Variants in PCDHA8 observed in about 807,000 individuals in gnomAD.
PCDHA8 encodes protocadherin alpha 8.
PCDHA8 carries 53 observed loss-of-function variants against 61.8 expected under a neutral mutation model. The observed-to-expected ratio is 0.86, with a 90% CI of 0.69 to 1.08. The LOEUF is 1.08. Among genes scored for constraint, PCDHA8 ranks in the 50% least tolerant of loss-of-function variants. The pLI, the probability that PCDHA8 is intolerant of heterozygous loss-of-function variation, is 0.00. For synonymous variants in PCDHA8, 618 were observed against 556.6 expected (o/e 1.11, Z -1.55); for missense variants, 1,293 against 1,245.0 (o/e 1.04, Z -0.58).
intron 1 of PCDHA8, chr5:140,967,158 T>G (rs1586192830): frequency 6.2e-7 from 1 of 1,610,448 alleles, no homozygotes. Context: ...CCCGTGGCGG[T>G]GAGCGCCGTT....
chr5:140,857,610 C>T (rs1436552212), intron 1 of PCDHA8: 2 of 1,596,344 alleles, frequency 1.3e-6, no homozygotes, highest in South Asian at 2.2e-5. Flanking sequence ...GCGCTGCAGC[C>T]GCTGGACCAC....
intron 1 of PCDHA8, chr5:140,858,528 T>A (rs2045469480): frequency 1.4e-6 from 2 of 1,404,940 alleles, no homozygotes; most frequent in South Asian, 2.5e-5. Context: ...AATATTTCAT[T>A]TTTGTCTACA....
Position 140,843,361 on chromosome 5 carries a change from G to A in PCDHA8, c.2040G>A (p.Ser680=), listed in dbSNP as rs2150358294. The change falls in exon 1 of 4, where the codon TCG becomes TCA. Residue 680 remains serine, a synonymous_variant. Transcript: ENST00000531613. ...GCGGCCAGGCTCCAAAAGCGTCATC[G>A]AGGCAGTCGGCTGGCGTTTTGGGTC... ...VESGQAPKAS[S]RQSAGVLGPE... is the part of the protein sequence containing the mutation. 3.8e-6 allele frequency: 6 copies of A among 1,596,046 alleles called. No individual in the cohort carries two copies. In the South Asian group the frequency reaches 5.5e-5, roughly 15 times the overall value.
chr5:140,852,052 A>G, intron 1 of PCDHA8: 1 of 915,096 alleles, frequency 1.1e-6, no homozygotes, highest in Non-Finnish European at 1.3e-6. Flanking sequence ...TATGTGGTTT[A>G]TATTTTTCTT....
At chr5:140,880,620 A>C (rs2058397773) in intron 1 of PCDHA8, among the ~76,000 whole-genome samples, 1 of 152,170 alleles carries the variant, frequency 6.6e-6, no homozygotes, top group Non-Finnish European at 1.5e-5. Context: ...AAGAGGGAGG[A>C]GTTAATTATC....
At chr5:140,858,305 C>A in intron 1 of PCDHA8, 1 of 1,597,172 alleles carries the variant, frequency 6.3e-7, no homozygotes. Context: ...GCAGCAGAGG[C>A]GGCAGAGGGT....
chr5:140,848,317 A>T, intron 1 of PCDHA8: 1 of 749,894 alleles, frequency 1.3e-6, no homozygotes. Context: ...CTTTGCCGCG[A>T]TGTTCTCTCT....
intron 1 of PCDHA8, chr5:140,928,082 T>C: frequency 1.2e-6 from 2 of 1,614,212 alleles, no homozygotes. Context: ...TACTACAGCC[T>C]GCTGATTGAT....
At chr5:140,873,835 A>G (rs917455135) in intron 1 of PCDHA8, among the ~76,000 whole-genome samples, 3 of 151,964 alleles carry the variant, frequency 2.0e-5, no homozygotes, top group Admixed American at 6.6e-5. Flanking sequence ...TAATTTTTGT[A>G]TTTTTAGTAG....
chr5:140,927,086 A>G (rs2083826085), intron 1 of PCDHA8: 5 of 1,612,296 alleles, frequency 3.1e-6, no homozygotes, highest in Non-Finnish European at 3.4e-6. Context: ...CGCGAGCTCT[A>G]CTTCGGGGTG....
rs781960813 is a variant in PCDHA8 at position 140,883,266 on chromosome 5, A to C, written c.2394+39551A>C. On this transcript the variant is annotated intron_variant, in intron 1 of 3. Transcript: ENST00000531613. ...AAAGGAAATATTCCAATGGCGGGTCATTGTACCCTTTTGGTGGAAGTACTA... is the reference window on the plus strand; with the variant it reads ...AAAGGAAATATTCCAATGGCGGGTCCTTGTACCCTTTTGGTGGAAGTACTA... 2.7e-5 allele frequency: 43 copies of C among 1,614,082 alleles called. No individual in the cohort carries two copies. In the African/African-American group the frequency reaches 4.7e-4, roughly 18 times the overall value.
intron 1 of PCDHA8, among the ~76,000 whole-genome samples, chr5:140,924,896 AAAAAAAAAATAAAAT>A (rs1195249436): frequency 5.8e-5 from 4 of 69,076 alleles, no homozygotes; most frequent in Non-Finnish European, 9.1e-5. Flanking sequence ...ACCTGTCTCA[AAAAAAAAAATAAAAT>A]AAAATAAAAT....
At chr5:140,986,461 C>A (rs1554248079) in intron 3 of PCDHA8, among the ~76,000 whole-genome samples, 1 of 152,154 alleles carries the variant, frequency 6.6e-6, no homozygotes. Flanking sequence ...TTAATGAATG[C>A]CCTCTTGTGA....
intron 1 of PCDHA8, among the ~76,000 whole-genome samples, chr5:140,894,449 A>G (rs1227566097): frequency 6.6e-6 from 1 of 151,950 alleles, no homozygotes; most frequent in Non-Finnish European, 1.5e-5. Flanking sequence ...TCTTTTTTAA[A>G]AAATATTTTA....
chr5:140,870,229 C>G, intron 1 of PCDHA8: 3 of 1,614,164 alleles, frequency 1.9e-6, no homozygotes, highest in Non-Finnish European at 2.5e-6. Flanking sequence ...CGTGTCTGAC[C>G]GTGACTCAGG....
intron 1 of PCDHA8, among the ~76,000 whole-genome samples, chr5:140,935,973 A>C (rs956262031): frequency 1.3e-5 from 2 of 150,786 alleles, no homozygotes; most frequent in Admixed American, 1.3e-4. Flanking sequence ...GCTCACTGCA[A>C]TCTCTGCCTC....
At chr5:140,883,688 A>G (rs782730096) in intron 1 of PCDHA8, 2 of 1,613,792 alleles carry the variant, frequency 1.2e-6, no homozygotes, top group Middle Eastern at 1.7e-4. Flanking sequence ...GGGCTGCCAC[A>G]TCTTCACGGT....
chr5:140,883,443 A>G (rs2059611817), intron 1 of PCDHA8: 1 of 1,614,136 alleles, frequency 6.2e-7, no homozygotes. Flanking sequence ...TTGACGCCGC[A>G]TGTCCCCTTC....
At chr5:140,875,561 A>G in intron 1 of PCDHA8, 1 of 1,614,128 alleles carries the variant, frequency 6.2e-7, no homozygotes, top group Non-Finnish European at 8.5e-7. Flanking sequence ...GGGAGCGGCC[A>G]GCTCCACTAC....
Sources: allele counts gnomAD v4.1 joint callset (sites outside exome capture counted in the v4.1 genomes callset), GRCh38; gene constraint gnomAD v4.1.1; transcripts MANE v1.5; gene names NCBI Gene and HGNC (gene_info 2026-07-23, HGNC 2026-07-21).